Variants in ABCC4 observed in about 807,000 individuals in gnomAD.
ABCC4 encodes ATP binding cassette subfamily C member 4 (PEL blood group), also known as ATP-binding cassette sub-family C member 4.
In ABCC4, 102 loss-of-function variants were observed where a neutral mutation model predicts 168.5. That is an observed-to-expected ratio of 0.61 (90% confidence interval 0.52 to 0.71). The LOEUF (loss-of-function observed/expected upper bound fraction) is 0.71. ABCC4 is among the 30% of genes least tolerant of loss of function. ABCC4 has a pLI of 0.00. For missense variants in ABCC4, 1,402 were observed against 1,605.8 expected (o/e 0.87, Z 2.17); for synonymous variants, 617 against 590.7 (o/e 1.04, Z -0.65).
intron 26 of ABCC4, chr13:95,055,873 A>G (rs2033033768): frequency 6.6e-6 from 1 of 151,458 alleles, no homozygotes. Context: ...ACAGAGCAAG[A>G]CTGTCTCAAA....
chr13:95,290,036 C>T (rs1186320664), intron 1 of ABCC4, among the ~76,000 whole-genome samples: 3 of 151,744 alleles, frequency 2.0e-5, no homozygotes, highest in African/African-American at 7.3e-5. Flanking sequence ...GCAGAGGTTG[C>T]GGTGAGCCAA....
In ABCC4 at chr13:95,188,557, T is replaced by C. The variant is rs770738043; in HGVS notation, c.1264-15A>G. 2 of 1,587,990 alleles carry C rather than the reference T, an allele frequency of 1.3e-6. No individual in the cohort carries two copies. The highest frequency in any genetic ancestry group is 2.2e-5 in the East Asian group (1 of 44,506). ...GTCTCTGATGCCTACAAATTAAAGT[T>C]TATAAAATGTGCCCATTTCAATAAA... is the stretch of plus-strand genomic sequence containing the variant. On this transcript the variant is annotated splice_polypyrimidine_tract_variant and intron_variant, in intron 9 of 30. Coordinates refer to ENST00000645237, the MANE Select transcript of ABCC4 (RefSeq NM_005845.5).
intron 19 of ABCC4, among the ~76,000 whole-genome samples, chr13:95,157,031 G>A (rs2036883720): frequency 6.6e-6 from 1 of 151,726 alleles, no homozygotes; most frequent in Non-Finnish European, 1.5e-5. Context: ...GCCGGAGGTT[G>A]CTGTGAGCTG....
At chr13:95,213,275 A>T in intron 4 of ABCC4, among the ~76,000 whole-genome samples, 1 of 152,210 alleles carries the variant, frequency 6.6e-6, no homozygotes, top group East Asian at 1.9e-4. Flanking sequence ...ACCACAGGTA[A>T]CACAGGCTGT....
At chr13:95,053,007 GCTC>G (rs2032903676) in intron 27 of ABCC4, 85 bp downstream of exon 27, 14 of 1,170,688 alleles carry the variant, frequency 1.2e-5, no homozygotes, top group Non-Finnish European at 1.7e-5. Flanking sequence ...AAACCGCTAA[GCTC>G]CTCTTAATTT....
chr13:95,266,342 A>G (rs2040674440), intron 1 of ABCC4: 1 of 152,510 alleles, frequency 6.6e-6, no homozygotes, highest in African/African-American at 2.4e-5. Flanking sequence ...AGCCAAGGAC[A>G]CTAAGGACGG....
chr13:95,130,765 A>G (rs1384136173), intron 19 of ABCC4, among the ~76,000 whole-genome samples: 1 of 152,198 alleles, frequency 6.6e-6, no homozygotes, highest in Non-Finnish European at 1.5e-5. Flanking sequence ...TGGAGAATGT[A>G]TCTCCAAACA....
chr13:95,242,034 A>G (rs1486421442), intron 3 of ABCC4, among the ~76,000 whole-genome samples: 2 of 152,106 alleles, frequency 1.3e-5, no homozygotes, highest in Non-Finnish European at 2.9e-5. Flanking sequence ...ACACACAAAA[A>G]AAATTGGCAA....
intron 1 of ABCC4, among the ~76,000 whole-genome samples, chr13:95,297,855 A>ATAGCTCAAGGGGG (rs978571564): frequency 1.3e-5 from 2 of 152,144 alleles, no homozygotes; most frequent in Non-Finnish European, 2.9e-5. Flanking sequence ...TGATAAGTAA[A>ATAGCTCAAGGGGG]TAGCTCAAGG....
At chr13:95,232,703 T>TA (rs1438547539) in intron 4 of ABCC4, among the ~76,000 whole-genome samples, 5 of 151,404 alleles carry the variant, frequency 3.3e-5, no homozygotes, top group South Asian at 4.2e-4. Flanking sequence ...TTAAATGGCT[T>TA]AAAAAAACGG....
At chr13:95,076,762 G>A (rs1416240452) in intron 21 of ABCC4, among the ~76,000 whole-genome samples, 1 of 151,760 alleles carries the variant, frequency 6.6e-6, no homozygotes, top group African/African-American at 2.4e-5. Flanking sequence ...ACCGCACCTG[G>A]CCTGTTGGGT....
intron 23 of ABCC4, 26 bp downstream of exon 23, chr13:95,074,184 CCATA>C: frequency 6.7e-7 from 1 of 1,501,432 alleles, no homozygotes; most frequent in South Asian, 1.2e-5. Flanking sequence ...TGTAATCATA[CCATA>C]CATAGTTATT....
chr13:95,122,388 C>A (rs2035601205), intron 19 of ABCC4, among the ~76,000 whole-genome samples: 1 of 152,178 alleles, frequency 6.6e-6, no homozygotes, highest in Non-Finnish European at 1.5e-5. Flanking sequence ...TAGATCTATG[C>A]CTAAACATAC....
chr13:95,057,318 C>A (rs190411089), intron 26 of ABCC4, among the ~76,000 whole-genome samples: 1 of 152,168 alleles, frequency 6.6e-6, no homozygotes, highest in Non-Finnish European at 1.5e-5. Flanking sequence ...CAGCTCATGG[C>A]AACCTCTGCC....
At chr13:95,179,375 T>C (rs1257583930) in intron 11 of ABCC4, among the ~76,000 whole-genome samples, 4 of 152,166 alleles carry the variant, frequency 2.6e-5, no homozygotes, top group Admixed American at 2.0e-4. Flanking sequence ...CATGAGACAC[T>C]GCACAGACTG....
chr13:95,132,934 GTGT>G (rs2036020789), intron 19 of ABCC4, among the ~76,000 whole-genome samples: 1 of 152,074 alleles, frequency 6.6e-6, no homozygotes, highest in African/African-American at 2.4e-5. Flanking sequence ...TGGGGAGTTA[GTGT>G]TTAATGGGTC....
rs2039530065 is a variant in ABCC4, at chr13:95,228,503, A to G, written c.531+6107T>C. Among the ~76,000 whole-genome samples, 5 of 152,296 alleles carry G rather than the reference A, an allele frequency of 3.3e-5. No homozygotes were observed. The South Asian group carries it at 1.0e-3, about 32-fold the overall frequency. On this transcript the variant is annotated intron_variant, in intron 4 of 30. Transcript: ENST00000645237. ...GAAGGAAAAGATCAAGGCCAGGCGCAGTGGCTCACACCTGTAATCCCAGCA... is the reference window on the plus strand; with the variant it reads ...GAAGGAAAAGATCAAGGCCAGGCGCGGTGGCTCACACCTGTAATCCCAGCA...
intron 27 of ABCC4, among the ~76,000 whole-genome samples, chr13:95,048,499 A>G (rs2032688632): frequency 6.6e-6 from 1 of 152,238 alleles, no homozygotes; most frequent in Admixed American, 6.5e-5. Context: ...GAAATGTGAT[A>G]AACAGCAACT....
chr13:95,073,322 A>T lies in ABCC4; in HGVS notation c.2918-18T>A. 6.2e-7 allele frequency: 1 copy of T among 1,600,400 alleles called. No individual in the cohort carries two copies. Among genetic ancestry groups the T allele is most frequent in the Non-Finnish European group, 8.6e-7 (1 of 1,169,294 alleles). On this transcript the variant is annotated intron_variant, in intron 23 of 30. Coordinates refer to ENST00000645237, the MANE Select transcript of ABCC4 (RefSeq NM_005845.5). The stretch of plus-strand genomic sequence containing the variant: ...ATCCAGAGCTACGTAAGGAGGAAGA[A>T]GGGAATAAAGTCAGTCTCACTTCAA...
Sources: allele counts gnomAD v4.1 joint callset (sites outside exome capture counted in the v4.1 genomes callset), GRCh38; gene constraint gnomAD v4.1.1; transcripts MANE v1.5; gene names NCBI Gene and HGNC (gene_info 2026-07-23, HGNC 2026-07-21).